The following ELL2 variants were observed in gnomAD, a reference collection of about 807,000 sequenced individuals.
ELL2 encodes the protein elongation factor for RNA polymerase II 2, also known as RNA polymerase II elongation factor ELL2.
In ELL2, 21 loss-of-function variants were observed where a neutral mutation model predicts 72.8. That is an observed-to-expected ratio of 0.29 (90% CI 0.20 to 0.42). ELL2 has a LOEUF of 0.42. ELL2 is among the 10% of genes least tolerant of loss of function. ELL2 has a pLI of 1.00. For synonymous variants in ELL2, 266 were observed against 283.2 expected, an observed-to-expected ratio of 0.94 and a Z score of 0.61; for missense variants, 568 against 772.8, an observed-to-expected ratio of 0.73 and a Z score of 3.14.
chr5:95,924,130 G>A (rs929070609), intron 2 of ELL2, among the ~76,000 whole-genome samples: 6 of 152,342 alleles, frequency 3.9e-5, no homozygotes, highest in Admixed American at 3.9e-4. Flanking sequence ...GTGGGTCTGA[G>A]ACCTTGTCTA....
chr5:95,950,669 T>C (rs138778704), intron 1 of ELL2, among the ~76,000 whole-genome samples: 39 of 151,924 alleles, frequency 2.6e-4, no homozygotes, highest in African/African-American at 8.4e-4. Context: ...AATGTAACCT[T>C]AGATTCAAAA....
At chr5:95,950,942 A>C (rs1224375959) in intron 1 of ELL2, among the ~76,000 whole-genome samples, 1 of 107,348 alleles carries the variant, frequency 9.3e-6, no homozygotes, top group African/African-American at 3.9e-5. Flanking sequence ...ATATATATAT[A>C]TATATATATA....
intron 3 of ELL2, among the ~76,000 whole-genome samples, chr5:95,916,824 G>A (rs1323591591): frequency 2.6e-5 from 4 of 151,842 alleles, no homozygotes; most frequent in Admixed American, 1.3e-4. Context: ...GAGAGAGGGG[G>A]GAGAGTGGGA....
chr5:95,956,766 A>C (rs1169009238), intron 1 of ELL2, among the ~76,000 whole-genome samples: 1 of 152,244 alleles, frequency 6.6e-6, no homozygotes, highest in African/African-American at 2.4e-5. Flanking sequence ...CAAAAGGTCA[A>C]GTAACACATT....
chr5:95,926,220 A>G (rs562184328), intron 2 of ELL2, among the ~76,000 whole-genome samples: 2 of 152,112 alleles, frequency 1.3e-5, no homozygotes, highest in Admixed American at 6.5e-5. Flanking sequence ...GTGCAAACCA[A>G]TGCTGAAGGG....
At chr5:95,942,077 G>A (rs983286371) in intron 2 of ELL2, among the ~76,000 whole-genome samples, 1 of 152,160 alleles carries the variant, frequency 6.6e-6, no homozygotes, top group African/African-American at 2.4e-5. Flanking sequence ...CTTGGCCTGT[G>A]TTGAATGATG....
At position 95,922,050 on chromosome 5, in the gene ELL2, A is replaced by G. The variant is rs539033995; in HGVS notation, c.196-2505T>C. Among the ~76,000 whole-genome samples, 6 of 150,664 alleles carry G rather than the reference A, an allele frequency of 4.0e-5. No homozygotes were observed. In the East Asian group the frequency reaches 9.8e-4, roughly 25 times the overall value. ...CTATCAGAGAATGTAAGACCATCCCATCTGGTAGACTCTAAATTGCATTTT... is the reference window on the plus strand; with the variant it reads ...CTATCAGAGAATGTAAGACCATCCCGTCTGGTAGACTCTAAATTGCATTTT... On this transcript the variant is annotated intron_variant, in intron 2 of 11. Coordinates refer to ENST00000237853, the MANE Select transcript of ELL2 (RefSeq NM_012081.6).
chr5:95,889,927 T>C (rs1748597550), intron 10 of ELL2, among the ~76,000 whole-genome samples: 1 of 151,976 alleles, frequency 6.6e-6, no homozygotes, highest in African/African-American at 2.4e-5. Context: ...AATAGCCTAA[T>C]GTATGTACCA....
rs1191964257 is a variant in ELL2 at position 95,885,573 on chromosome 5, AAAG to A, written c.*3295_*3297del. ...CGAGTTTCTGCCAAGTTTCAGAAGC[AAAG>A]AATGCACTAATGAAAAGGGTAAGGC... is the stretch of plus-strand genomic sequence containing the variant. On this transcript the variant is annotated 3_prime_UTR_variant, in exon 12 of 12. Coordinates refer to ENST00000237853, the MANE Select transcript of ELL2 (RefSeq NM_012081.6). The A allele has an allele frequency of 6.6e-6, 1 of 152,252 alleles. No homozygotes were observed. The highest frequency in any genetic ancestry group is 2.4e-5 in the African/African-American group (1 of 41,468). The allele number at this position is 152,252 out of a possible 1,614,324, so 9.4% of individuals were successfully genotyped here. A position where few individuals can be genotyped will look rare whatever the true frequency, so the allele number is the denominator to read the frequency against.
At chr5:95,930,046 A>G (rs1750541487) in intron 2 of ELL2, among the ~76,000 whole-genome samples, 1 of 152,244 alleles carries the variant, frequency 6.6e-6, no homozygotes, top group South Asian at 2.1e-4. Flanking sequence ...ACCTCTTTAA[A>G]ACCATTTTGT....
rs549740821 is a variant in ELL2 at position 95,935,154 on chromosome 5, A to G, written c.195+7848T>C. Among the ~76,000 whole-genome samples the G allele has an allele frequency of 2.0e-5, 3 of 152,134 alleles. No individual in the cohort carries two copies. In the South Asian group the frequency reaches 6.2e-4, roughly 32 times the overall value. On this transcript the variant is annotated intron_variant, in intron 2 of 11. Transcript: ENST00000237853. ...GTCATCCCTTTTTTGGTTTTTAATA[A>G]TTTTATAATATACATAAACCTACAA...
At chr5:95,908,368 G>A (rs1337005953) in intron 4 of ELL2, among the ~76,000 whole-genome samples, 1 of 152,148 alleles carries the variant, frequency 6.6e-6, no homozygotes, top group Admixed American at 6.5e-5. Flanking sequence ...CTTAGCATTT[G>A]GGAGGTTCTG....
chr5:95,889,268 C>A, intron 10 of ELL2, 138 bp from the exon 11 acceptor site: 2 of 709,360 alleles, frequency 2.8e-6, no homozygotes, highest in Non-Finnish European at 4.6e-6. Context: ...TTATGGAAGG[C>A]AATGTGGCAA....
intron 5 of ELL2, among the ~76,000 whole-genome samples, chr5:95,901,485 C>T (rs1749140935): frequency 6.6e-6 from 1 of 152,138 alleles, no homozygotes; most frequent in Non-Finnish European, 1.5e-5. Flanking sequence ...TGGTAACGAA[C>T]CCTATATATA....
intron 2 of ELL2, among the ~76,000 whole-genome samples, chr5:95,939,455 GAACAACAAATTAACCTATT>G (rs1330176712): frequency 1.3e-5 from 2 of 152,192 alleles, no homozygotes; most frequent in Admixed American, 6.5e-5. Context: ...GAAAAAAGCA[GAACAACAAATTAACCTATT>G]AACACATTCA....
At chr5:95,924,757 G>A (rs747044237) in intron 2 of ELL2, among the ~76,000 whole-genome samples, 2 of 152,070 alleles carry the variant, frequency 1.3e-5, no homozygotes, top group Non-Finnish European at 2.9e-5. Context: ...TTGATAAAAA[G>A]CTACAAAGAA....
chr5:95,933,968 C>T (rs965612735), intron 2 of ELL2, among the ~76,000 whole-genome samples: 1 of 152,092 alleles, frequency 6.6e-6, no homozygotes, highest in Non-Finnish European at 1.5e-5. Context: ...CCGTTATAGC[C>T]AAATACAGAG....
rs188410325 is a variant in ELL2 at position 95,958,566 on chromosome 5, G to A, written c.147+3009C>T. 2.0e-3 allele frequency among the ~76,000 whole-genome samples: 304 copies of A among 152,290 alleles called. 3 individuals carry two copies. Among genetic ancestry groups the A allele is most frequent in the African/African-American group, 7.2e-3 (299 of 41,570 alleles). On this transcript the variant is annotated intron_variant, in intron 1 of 11. Transcript: ENST00000237853. ...GACAGTTTCACTCCAATTCCTGCTTGCTTGTCCACACCCCTTAAAAAGTGT... is the reference window on the plus strand; with the variant it reads ...GACAGTTTCACTCCAATTCCTGCTTACTTGTCCACACCCCTTAAAAAGTGT...
chr5:95,955,148 C>T (rs1396940592), intron 1 of ELL2, among the ~76,000 whole-genome samples: 1 of 152,100 alleles, frequency 6.6e-6, no homozygotes. Flanking sequence ...TGGTCCCCAT[C>T]CAGTTTCTGT....
Sources: allele counts gnomAD v4.1 joint callset (sites outside exome capture counted in the v4.1 genomes callset), GRCh38; gene constraint gnomAD v4.1.1; transcripts MANE v1.5; gene names NCBI Gene and HGNC (gene_info 2026-07-23, HGNC 2026-07-21).